Variants in TRHDE observed in about 807,000 individuals in gnomAD.
The protein encoded by TRHDE is thyrotropin releasing hormone degrading enzyme.
TRHDE carries 72 observed loss-of-function variants against 125.7 expected under a neutral mutation model. The observed-to-expected ratio is 0.57, with a 90% CI of 0.47 to 0.70. TRHDE has a LOEUF of 0.70. Among genes scored for constraint, TRHDE ranks in the 30% least tolerant of loss-of-function variants. TRHDE has a pLI of 0.00. For synonymous variants in TRHDE, 509 were observed against 509.1 expected (o/e 1.00, Z 0.00); for missense variants, 1,110 against 1,327.1 (o/e 0.84, Z 2.54).
chr12:72,542,380 C>A, intron 7 of TRHDE, 24 bp downstream of exon 7: 1 of 1,582,226 alleles, frequency 6.3e-7, no homozygotes, highest in Non-Finnish European at 8.6e-7. Flanking sequence ...TTTTTATTTT[C>A]TTTTACATTT....
At chr12:72,547,172 G>A (rs1869458716) in intron 7 of TRHDE, among the ~76,000 whole-genome samples, 1 of 150,792 alleles carries the variant, frequency 6.6e-6, no homozygotes, top group South Asian at 2.1e-4. Flanking sequence ...TTACCATATG[G>A]AGATTTAAAA....
chr12:72,363,004 C>G (rs568227131), intron 2 of TRHDE, among the ~76,000 whole-genome samples: 1 of 151,970 alleles, frequency 6.6e-6, no homozygotes, highest in Non-Finnish European at 1.5e-5. Flanking sequence ...AGCATGATGC[C>G]TCCAGCTTTG....
At chr12:72,139,425 A>C (rs930797228) in intron 2 of TRHDE, among the ~76,000 whole-genome samples, 2 of 152,246 alleles carry the variant, frequency 1.3e-5, no homozygotes, top group Admixed American at 1.3e-4. Context: ...ATAAAATATC[A>C]AAGTATATGT....
At chr12:72,465,802 T>C (rs1027605541) in intron 3 of TRHDE, among the ~76,000 whole-genome samples, 5 of 152,222 alleles carry the variant, frequency 3.3e-5, no homozygotes, top group African/African-American at 1.2e-4. Context: ...TCTCCATAGT[T>C]GCTTCAACAA....
Position 72,669,088 on chromosome 12 carries a change from C to T in TRHDE, c.*5893C>T, listed in dbSNP as rs1198390931. On this transcript the variant is annotated 3_prime_UTR_variant, in exon 19 of 19. Coordinates refer to ENST00000261180, the MANE Select transcript of TRHDE (RefSeq NM_013381.3). ...TTGTGTAGTGGGTTTTAAGTTATAA[C>T]AGGTAATTAACAGATATTTCGGCCA... 1 of 151,442 alleles carries T rather than the reference C, an allele frequency of 6.6e-6. No homozygotes were observed. The highest frequency in any genetic ancestry group is 2.4e-5 in the African/African-American group (1 of 41,256). 9.4% of individuals were successfully genotyped at this position (151,442 alleles called of 1,614,324 possible).
rs902333172 is a variant in TRHDE, at chr12:72,272,607, T to A, written c.-37T>A. On this transcript the variant is annotated 5_prime_UTR_variant, in exon 1 of 19. Coordinates refer to ENST00000261180, the MANE Select transcript of TRHDE (RefSeq NM_013381.3). This position sits in a 1 kb window ranked among gnomAD's most constrained non-coding sequence, Gnocchi z 6.7. ...GCCCGGGTGGCCCGCCCGCGGGGGG[T>A]GCCAGAGGGGGCGGGGGAGGAGGAG... The A allele has an allele frequency of 6.1e-6, 5 of 821,528 alleles. No individual in the cohort carries two copies. Among genetic ancestry groups the A allele is most frequent in the Non-Finnish European group, 7.2e-6 (4 of 558,998 alleles). 50.9% of individuals were successfully genotyped at this position (821,528 alleles called of 1,614,324 possible). A position where few individuals can be genotyped will look rare whatever the true frequency, so the allele number is the denominator to read the frequency against.
chr12:72,562,138 T>C, intron 7 of TRHDE, 27 bp from the exon 8 acceptor site: 1 of 1,167,044 alleles, frequency 8.6e-7, no homozygotes, highest in Non-Finnish European at 1.3e-6. Flanking sequence ...ACCTTTGAAT[T>C]ACAATTACAA....
intron 7 of TRHDE, among the ~76,000 whole-genome samples, chr12:72,552,302 CATAGAA>C (rs1869716486): frequency 6.6e-6 from 1 of 152,046 alleles, no homozygotes; most frequent in Non-Finnish European, 1.5e-5. Context: ...TTAAATGGTT[CATAGAA>C]ATAGAGACAT....
intron 17 of TRHDE, among the ~76,000 whole-genome samples, chr12:72,654,585 A>T (rs1378328858): frequency 6.6e-6 from 1 of 152,012 alleles, no homozygotes; most frequent in Non-Finnish European, 1.5e-5. Context: ...TTCCTTTATG[A>T]GTGTGCCTGC....
Position 72,488,539 on chromosome 12 carries a change from G to T in TRHDE, c.1585-10959G>T, listed in dbSNP as rs969802339. Among the ~76,000 whole-genome samples the T allele has an allele frequency of 3.3e-5, 5 of 152,002 alleles. No individual in the cohort carries two copies. In the South Asian group the frequency reaches 6.2e-4, roughly 19 times the overall value. ...TATTAATGGACATGAAGGGAGAAAT[G>T]AATAGCAATACAATAATAGGGACTT... On this transcript the variant is annotated intron_variant, in intron 5 of 18. Transcript: ENST00000261180.
chr12:72,152,235 T>G (rs1236398520), intron 2 of TRHDE, among the ~76,000 whole-genome samples: 18 of 151,390 alleles, frequency 1.2e-4, no homozygotes, highest in Admixed American at 3.3e-4. Context: ...GTGATTTTTG[T>G]ACATTGATTT....
intron 2 of TRHDE, among the ~76,000 whole-genome samples, chr12:72,201,484 A>G (rs1877558918): frequency 6.6e-6 from 1 of 152,186 alleles, no homozygotes; most frequent in Non-Finnish European, 1.5e-5. Context: ...CCTACACAAG[A>G]GGTGACTTGA....
chr12:72,563,367 T>C (rs912825693), intron 9 of TRHDE, among the ~76,000 whole-genome samples: 1 of 152,286 alleles, frequency 6.6e-6, no homozygotes, highest in African/African-American at 2.4e-5. Context: ...TGTGTTGCTG[T>C]GAATTAAAAG....
chr12:72,389,568 CTTGCA>C (rs1872550875), intron 3 of TRHDE, among the ~76,000 whole-genome samples: 1 of 152,184 alleles, frequency 6.6e-6, no homozygotes, highest in South Asian at 2.1e-4. Context: ...CTTTTCCTGG[CTTGCA>C]GATGGCAGCC....
At chr12:72,417,134 A>T (rs1263295765) in intron 3 of TRHDE, among the ~76,000 whole-genome samples, 1 of 152,022 alleles carries the variant, frequency 6.6e-6, no homozygotes, top group African/African-American at 2.4e-5. Flanking sequence ...GCTACTTTAA[A>T]TGAGATTACT....
chr12:72,180,724 C>G (rs1380940865), intron 2 of TRHDE, among the ~76,000 whole-genome samples: 1 of 152,130 alleles, frequency 6.6e-6, no homozygotes, highest in Admixed American at 6.6e-5. Flanking sequence ...ATACTTATTA[C>G]TTTTCAGGCT....
At chr12:72,430,063 A>G (rs1431313554) in intron 3 of TRHDE, among the ~76,000 whole-genome samples, 2 of 151,446 alleles carry the variant, frequency 1.3e-5, no homozygotes, top group African/African-American at 2.4e-5. Context: ...TTGGTGTCAT[A>G]TCTAAAAAGG....
intron 6 of TRHDE, among the ~76,000 whole-genome samples, chr12:72,502,689 C>T (rs1275161223): frequency 4.6e-5 from 7 of 152,136 alleles, no homozygotes; most frequent in South Asian, 2.1e-4. Context: ...TAGAGTTGTT[C>T]GAGTGTTCTG....
chr12:72,454,097 C>T (rs1875718469), intron 3 of TRHDE, among the ~76,000 whole-genome samples: 1 of 151,992 alleles, frequency 6.6e-6, no homozygotes, highest in Non-Finnish European at 1.5e-5. Context: ...TTTTCAGTAG[C>T]TAAATTTCAA....
Sources: gnomAD v4.1 joint callset for allele counts (sites outside exome capture counted in the v4.1 genomes callset) on GRCh38, gnomAD v4.1.1 for gene constraint, Gnocchi (gnomAD v3.1) non-coding constraint, MANE v1.5 for transcripts, NCBI Gene and HGNC (gene_info 2026-07-23, HGNC 2026-07-21) for gene names.